The following BRAF variants were observed in gnomAD, a reference collection of about 807,000 sequenced individuals.
BRAF encodes the protein serine/threonine-protein kinase B-raf.
In BRAF, 16 loss-of-function variants were observed where a neutral mutation model predicts 104.6. The ratio of observed to expected loss-of-function variants is 0.15; its 90% CI spans 0.10 to 0.23. The LOEUF is 0.23. Among genes scored for constraint, BRAF ranks in the 10% least tolerant of loss-of-function variants. BRAF has a pLI of 1.00. For synonymous variants in BRAF, 310 were observed against 341.6 expected (o/e 0.91, Z 1.02); for missense variants, 541 against 937.3 (o/e 0.58, Z 5.52).
At chr7:140,909,301 T>C (rs187533392) in intron 1 of BRAF, among the ~76,000 whole-genome samples, 1 of 152,224 alleles carries the variant, frequency 6.6e-6, no homozygotes, top group African/African-American at 2.4e-5. Flanking sequence ...GGCACATGCC[T>C]GTAATCCCAG....
chr7:140,814,556 T>C (rs1042761614), intron 3 of BRAF, among the ~76,000 whole-genome samples: 1 of 151,584 alleles, frequency 6.6e-6, no homozygotes, highest in African/African-American at 2.4e-5. Flanking sequence ...TCCTGGCTAC[T>C]AGGGAGGCTG....
chr7:140,907,985 T>C (rs1183814141), intron 1 of BRAF, among the ~76,000 whole-genome samples: 1 of 152,092 alleles, frequency 6.6e-6, no homozygotes. Context: ...CCTCAGGTGA[T>C]CCGCCTGCCT....
intron 1 of BRAF, among the ~76,000 whole-genome samples, chr7:140,891,729 C>T (rs1427504952): frequency 1.3e-5 from 2 of 151,384 alleles, no homozygotes; most frequent in Non-Finnish European, 2.9e-5. Context: ...TGCCTCCCAG[C>T]AGGGTAAGTA....
intron 1 of BRAF, among the ~76,000 whole-genome samples, chr7:140,887,444 T>A (rs940532099): frequency 2.0e-5 from 3 of 152,164 alleles, no homozygotes; most frequent in African/African-American, 7.2e-5. Context: ...TGACCGCAAA[T>A]ATTTTTTGAA....
At chr7:140,781,748 AT>A in intron 11 of BRAF, 55 bp from the exon 11 acceptor site, 2 of 1,400,198 alleles carry the variant, frequency 1.4e-6, no homozygotes, top group South Asian at 1.2e-5. Flanking sequence ...AGAAAACCTT[AT>A]GTTTCACCCT....
intron 16 of BRAF, among the ~76,000 whole-genome samples, chr7:140,751,600 G>C (rs1400928055): frequency 6.6e-6 from 1 of 152,172 alleles, no homozygotes; most frequent in Non-Finnish European, 1.5e-5. Flanking sequence ...CAACATTTCA[G>C]ATGTAGACTT....
chr7:140,824,484 A>G (rs1805797184), intron 3 of BRAF: 1 of 152,146 alleles, frequency 6.6e-6, no homozygotes, highest in Non-Finnish European at 1.5e-5. Context: ...CAGGACTCTC[A>G]TCTGTCTGCA....
At chr7:140,775,730 A>T (rs558771136) in intron 14 of BRAF, among the ~76,000 whole-genome samples, 1 of 152,326 alleles carries the variant, frequency 6.6e-6, no homozygotes, top group South Asian at 2.1e-4. Flanking sequence ...GTCTAGGGGT[A>T]AGTGGGGGTG....
At chr7:140,904,064 T>C (rs1188122955) in intron 1 of BRAF, among the ~76,000 whole-genome samples, 2 of 152,220 alleles carry the variant, frequency 1.3e-5, no homozygotes, top group Non-Finnish European at 2.9e-5. Flanking sequence ...TTACATAGAA[T>C]TAGTTGATGA....
chr7:140,918,764 G>A (rs780845273), intron 1 of BRAF, among the ~76,000 whole-genome samples: 1 of 152,196 alleles, frequency 6.6e-6, no homozygotes, highest in Non-Finnish European at 1.5e-5. Flanking sequence ...TAGTACCTAT[G>A]TGCCAGGTAC....
At chr7:140,834,439 G>C (rs1164182181) in intron 3 of BRAF, 170 bp downstream of exon 3, 1 of 934,976 alleles carries the variant, frequency 1.1e-6, no homozygotes, top group African/African-American at 1.7e-5. Context: ...TTCAGTTAAG[G>C]AATATAGACT....
rs1795280493 is a variant in BRAF at position 140,720,739 on chromosome 7, G to A, written c.*5755C>T. 1 of 1,065,810 alleles carries A rather than the reference G, an allele frequency of 9.4e-7. No homozygotes were observed. Among genetic ancestry groups the A allele is most frequent in the African/African-American group, 1.6e-5 (1 of 61,076 alleles). 66.0% of individuals were successfully genotyped at this position (1,065,810 alleles called of 1,614,324 possible). On this transcript the variant is annotated 3_prime_UTR_variant, in exon 20 of 20. Transcript: ENST00000644969. Reference sequence around the variant, plus strand: ...GCTTTGTTGTTTATGCTAGTTTGCAGTGACTTCCAACTCATACTCCACCAA... The same window carrying A: ...GCTTTGTTGTTTATGCTAGTTTGCAATGACTTCCAACTCATACTCCACCAA...
chr7:140,875,617 A>G (rs901545509), intron 1 of BRAF, among the ~76,000 whole-genome samples: 2 of 152,222 alleles, frequency 1.3e-5, no homozygotes, highest in Non-Finnish European at 2.9e-5. Context: ...ACCTCCGGTG[A>G]TCCACCCGCC....
chr7:140,771,052 T>C (rs1799799942), intron 14 of BRAF, among the ~76,000 whole-genome samples: 1 of 152,078 alleles, frequency 6.6e-6, no homozygotes, highest in East Asian at 1.9e-4. Flanking sequence ...CAAGTAAACC[T>C]AGGAATCAGA....
At chr7:140,791,486 C>T (rs1367971383) in intron 8 of BRAF, among the ~76,000 whole-genome samples, 2 of 152,184 alleles carry the variant, frequency 1.3e-5, no homozygotes, top group Admixed American at 6.5e-5. Context: ...TCTCTGCCTG[C>T]ACCTCCAATG....
chr7:140,848,810 T>C (rs1245719271), intron 2 of BRAF, among the ~76,000 whole-genome samples: 2 of 152,208 alleles, frequency 1.3e-5, no homozygotes, highest in African/African-American at 2.4e-5. Flanking sequence ...CTAGCTTTGA[T>C]ATTAACTAGG....
intron 14 of BRAF, among the ~76,000 whole-genome samples, chr7:140,774,327 A>G (rs1477449699): frequency 6.6e-6 from 1 of 152,244 alleles, no homozygotes; most frequent in African/African-American, 2.4e-5. Context: ...TTCAGAGTAG[A>G]TGACTAAAGT....
Position 140,723,231 on chromosome 7 carries a change from C to T in BRAF, c.*3263G>A, listed in dbSNP as rs2130823667. The T allele has an allele frequency of 9.5e-7, 1 of 1,054,894 alleles. No homozygotes were observed. Among genetic ancestry groups the T allele is most frequent in the Admixed American group, 5.5e-5 (1 of 18,318 alleles). The allele number at this position is 1,054,894 out of a possible 1,614,324, so 65.3% of individuals were successfully genotyped here. A position where few individuals can be genotyped will look rare whatever the true frequency, so the allele number is the denominator to read the frequency against. Reference sequence around the variant, plus strand: ...CAGCTCGCACTCCGCCTGGTGAATACAAGGTAACATCCTGTGATGAAAGTG... The same window carrying T: ...CAGCTCGCACTCCGCCTGGTGAATATAAGGTAACATCCTGTGATGAAAGTG... On this transcript the variant is annotated 3_prime_UTR_variant, in exon 20 of 20. Coordinates refer to ENST00000644969, the MANE Select transcript of BRAF (RefSeq NM_001374258.1).
intron 3 of BRAF, among the ~76,000 whole-genome samples, chr7:140,821,941 T>C (rs1174963473): frequency 6.6e-6 from 1 of 152,102 alleles, no homozygotes; most frequent in Non-Finnish European, 1.5e-5. Context: ...AAATATCAAA[T>C]GTTCTCATTT....
Sources: gnomAD v4.1 joint callset for allele counts (sites outside exome capture counted in the v4.1 genomes callset) on GRCh38, gnomAD v4.1.1 for gene constraint, MANE v1.5 for transcripts, NCBI Gene and HGNC (gene_info 2026-07-23, HGNC 2026-07-21) for gene names.